The following HCRTR2 variants were observed in gnomAD, a reference collection of about 807,000 sequenced individuals.
The protein encoded by HCRTR2 is orexin receptor type 2.
A neutral mutation model predicts 49.0 loss-of-function variants in HCRTR2; 22 were observed. The observed-to-expected ratio is 0.45, with a 90% CI of 0.32 to 0.64. The LOEUF is 0.64. Among genes scored for constraint, HCRTR2 ranks in the 30% least tolerant of loss-of-function variants. HCRTR2 has a pLI of 0.04. For synonymous variants in HCRTR2, 236 were observed against 205.3 expected, an observed-to-expected ratio of 1.15 and a Z score of -1.28; for missense variants, 491 against 559.4, an observed-to-expected ratio of 0.88 and a Z score of 1.23.
At chr6:55,130,404 T>C (rs1272192052) in intron 1 of HCRTR2, among the ~76,000 whole-genome samples, 2 of 151,534 alleles carry the variant, frequency 1.3e-5, no homozygotes, top group East Asian at 3.9e-4. Flanking sequence ...TTTCATTTTC[T>C]TCTCCTTCAT....
At chr6:55,174,068 G>A (rs1031646377), upstream of HCRTR2, 5 of 175,646 alleles carry the variant, frequency 2.8e-5, no homozygotes, top group Non-Finnish European at 6.1e-5. Context: ...TCCACAGACT[G>A]ATGCATGTCT....
chr6:55,114,843 A>T, intron 1 of HCRTR2, among the ~76,000 whole-genome samples: 1 of 151,808 alleles, frequency 6.6e-6, no homozygotes, highest in Non-Finnish European at 1.5e-5. Flanking sequence ...AGAGTAGAAG[A>T]TACTTACCCT....
rs116058480 is a variant in HCRTR2, at chr6:55,108,370, C to T, written c.-378+1825C>T. ...AGTAAAACCAAAAGAATTCACAGAC[C>T]CTTTGAAAGAAGCAGCTTGTTGCTG... On this transcript the variant is annotated intron_variant, in intron 1 of 7. Transcript: ENST00000615358. Among the ~76,000 whole-genome samples, 1,148 of 152,056 alleles carry T rather than the reference C, an allele frequency of 7.5e-3. 12 individuals carry two copies. The highest frequency in any genetic ancestry group is 0.026 in the African/African-American group (1,080 of 41,478).
At chr6:55,245,490 T>TATATATATATATATATATAC (rs1365986348) in intron 1 of HCRTR2, among the ~76,000 whole-genome samples, 1 of 133,186 alleles carries the variant, frequency 7.5e-6, no homozygotes, top group African/African-American at 2.8e-5. Flanking sequence ...TATATATATA[T>TATATATATATATATATATAC]ATATATATAT....
chr6:55,145,528 G>C (rs779198320), intron 1 of HCRTR2, among the ~76,000 whole-genome samples: 1 of 151,062 alleles, frequency 6.6e-6, no homozygotes, highest in Non-Finnish European at 1.5e-5. Context: ...CTCCTGCCTC[G>C]GCCTCCTGAG....
chr6:55,283,675 G>C (rs190415486), downstream of HCRTR2, among the ~76,000 whole-genome samples: 5 of 152,208 alleles, frequency 3.3e-5, no homozygotes, highest in East Asian at 9.6e-4. Flanking sequence ...AAAAGTAAAA[G>C]AAGTGTTTAT....
At chr6:55,109,953 C>T (rs1751107054) in intron 1 of HCRTR2, among the ~76,000 whole-genome samples, 1 of 152,092 alleles carries the variant, frequency 6.6e-6, no homozygotes, top group Non-Finnish European at 1.5e-5. Flanking sequence ...ATGAAAGAAT[C>T]TTAAGAGCTG....
At chr6:55,158,212 A>G (rs1348329145) in intron 1 of HCRTR2, among the ~76,000 whole-genome samples, 1 of 151,642 alleles carries the variant, frequency 6.6e-6, no homozygotes, top group East Asian at 1.9e-4. Context: ...GGGATGGGGA[A>G]CTCCCTCCCC....
chr6:55,204,709 A>T (rs1353039485), intron 1 of HCRTR2, among the ~76,000 whole-genome samples: 2 of 152,320 alleles, frequency 1.3e-5, no homozygotes, highest in South Asian at 2.1e-4. Flanking sequence ...AGTTGTCCTA[A>T]GCAAGTGGAA....
At chr6:55,144,629 C>G (rs1020907557) in intron 1 of HCRTR2, among the ~76,000 whole-genome samples, 2 of 152,256 alleles carry the variant, frequency 1.3e-5, no homozygotes, top group Non-Finnish European at 2.9e-5. Context: ...GTAGAGCGCA[C>G]GTTGGATCCC....
At chr6:55,159,318 A>C (rs1283989456) in intron 1 of HCRTR2, among the ~76,000 whole-genome samples, 1 of 151,980 alleles carries the variant, frequency 6.6e-6, no homozygotes, top group East Asian at 1.9e-4. Flanking sequence ...CATCCGCACA[A>C]AAACCCCATC....
chr6:55,271,329 T>C (rs1404649795), intron 4 of HCRTR2, among the ~76,000 whole-genome samples: 1 of 152,052 alleles, frequency 6.6e-6, no homozygotes, highest in Non-Finnish European at 1.5e-5. Flanking sequence ...GTTAAGACAA[T>C]TGTATATCCA....
At chr6:55,270,711 G>T (rs1345230692) in intron 4 of HCRTR2, among the ~76,000 whole-genome samples, 2 of 152,132 alleles carry the variant, frequency 1.3e-5, no homozygotes, top group Admixed American at 1.3e-4. Flanking sequence ...TAAAATGTAA[G>T]TAAGTTTTGG....
intron 1 of HCRTR2, among the ~76,000 whole-genome samples, chr6:55,229,022 ATGG>A (rs1446227112): frequency 6.6e-6 from 1 of 152,068 alleles, no homozygotes; most frequent in Non-Finnish European, 1.5e-5. Flanking sequence ...GCTGATTTTC[ATGG>A]TGGGATGTTA....
intron 1 of HCRTR2, among the ~76,000 whole-genome samples, chr6:55,132,175 A>G (rs1764367793): frequency 6.6e-6 from 1 of 151,972 alleles, no homozygotes; most frequent in Non-Finnish European, 1.5e-5. Flanking sequence ...ACAAAAGTCT[A>G]TTAAACACAT....
chr6:55,149,665 CT>C (rs1363536395), intron 1 of HCRTR2, among the ~76,000 whole-genome samples: 2 of 151,900 alleles, frequency 1.3e-5, no homozygotes, highest in Non-Finnish European at 2.9e-5. Flanking sequence ...AAACCAACAC[CT>C]TGACCATATA....
intron 1 of HCRTR2, among the ~76,000 whole-genome samples, chr6:55,142,531 T>C (rs1764522266): frequency 6.6e-6 from 1 of 152,048 alleles, no homozygotes; most frequent in South Asian, 2.1e-4. Context: ...AATGTTTAAA[T>C]ATTTTTATAT....
chr6:55,200,495 G>T (rs1374814635), intron 1 of HCRTR2, among the ~76,000 whole-genome samples: 16 of 151,992 alleles, frequency 1.1e-4, no homozygotes, highest in Admixed American at 1.0e-3. Context: ...TTTTTGAAAA[G>T]ACTTTTTCCT....
intron 1 of HCRTR2, among the ~76,000 whole-genome samples, chr6:55,244,584 A>C (rs982673750): frequency 6.6e-6 from 1 of 152,072 alleles, no homozygotes; most frequent in Non-Finnish European, 1.5e-5. Context: ...GATAAGTTTA[A>C]GTTGTATAAA....
Sources: allele counts gnomAD v4.1 joint callset (sites outside exome capture counted in the v4.1 genomes callset), GRCh38; gene constraint gnomAD v4.1.1; transcripts MANE v1.5; gene names NCBI Gene and HGNC (gene_info 2026-07-23, HGNC 2026-07-21).